The following GEMIN2 variants were observed in gnomAD, a reference collection of about 807,000 sequenced individuals.
GEMIN2 encodes the protein gem-associated protein 2.
GEMIN2 carries 37 observed loss-of-function variants against 45.8 expected under a neutral mutation model. That is an observed-to-expected ratio of 0.81 (90% CI 0.62 to 1.06). The LOEUF (loss-of-function observed/expected upper bound fraction) is 1.06, where lower values mean the gene tolerates loss of function less well. GEMIN2 is among the 50% of genes least tolerant of loss of function. The pLI is 0.00. For missense variants in GEMIN2, 335 were observed against 321.8 expected (o/e 1.04, Z -0.31); for synonymous variants, 101 against 111.5 (o/e 0.91, Z 0.60).
chr14:39,121,484 A>G (rs2052572117), intron 4 of GEMIN2, among the ~76,000 whole-genome samples: 1 of 152,192 alleles, frequency 6.6e-6, no homozygotes, highest in Non-Finnish European at 1.5e-5. Flanking sequence ...ATGAACTGTA[A>G]TCACACCTCT....
In GEMIN2 at chr14:39,136,505, G is replaced by A. The variant is rs1324493706; in HGVS notation, c.*26G>A. 11 of 1,587,072 alleles carry A rather than the reference G, an allele frequency of 6.9e-6. No homozygotes were observed. The highest frequency in any genetic ancestry group is 9.5e-6 in the Non-Finnish European group (11 of 1,157,504). ...TGTAGCTGATCTCTCAGGGATAGAA[G>A]ATATTTCTCATGAAGGCAGCCTAAC... On this transcript the variant is annotated 3_prime_UTR_variant, in exon 10 of 10. Transcript: ENST00000308317.
At chr14:39,128,419 T>TATACAA in intron 7 of GEMIN2, 71 bp downstream of exon 7, 1 of 747,926 alleles carries the variant, frequency 1.3e-6, no homozygotes, top group East Asian at 2.5e-5. Context: ...GTGGGCCACA[T>TATACAA]ATACAATGGT....
At chr14:39,125,892 C>T (rs2052633837) in intron 6 of GEMIN2, among the ~76,000 whole-genome samples, 1 of 151,766 alleles carries the variant, frequency 6.6e-6, no homozygotes, top group Non-Finnish European at 1.5e-5. Context: ...TGGAGGTGTG[C>T]ACTTGTAATC....
Position 39,114,486 on chromosome 14 carries a change from C to G in GEMIN2, c.137+11C>G. ...CCTGAGGCGGGTCCAGTGAGTGATT[C>G]GGCCCTGGGCGGGTGGGCTGGTCTT... On this transcript the variant is annotated intron_variant, in intron 1 of 9. Transcript: ENST00000308317. The G allele has an allele frequency of 6.2e-7, 1 of 1,603,798 alleles. No homozygotes were observed. The highest frequency in any genetic ancestry group is 8.5e-7 in the Non-Finnish European group (1 of 1,171,932).
chr14:39,133,088 CAGT>C (rs946030749), intron 8 of GEMIN2, among the ~76,000 whole-genome samples: 3 of 126,470 alleles, frequency 2.4e-5, no homozygotes, highest in Non-Finnish European at 3.6e-5. Context: ...TATATAAGAA[CAGT>C]AAGAATCCTG....
At position 39,118,545 on chromosome 14, in the gene GEMIN2, G is replaced by A. The variant is rs1272009864; in HGVS notation, c.318G>A (p.Val106=). 1.4e-6 allele frequency: 2 copies of A among 1,431,848 alleles called. No individual in the cohort carries two copies. The highest frequency in any genetic ancestry group is 1.1e-5 in the South Asian group (1 of 87,124). 88.7% of individuals were successfully genotyped at this position (1,431,848 alleles called of 1,614,324 possible). A position where few individuals can be genotyped will look rare whatever the true frequency, so the allele number is the denominator to read the frequency against. ...VAQFSTVRQN[V]NKHRSHWKSQ... is the part of the protein sequence containing the mutation. The stretch of plus-strand genomic sequence containing the variant: ...TCTAAGTTTTCTTCCTTTAGAATGT[G>A]AACAAACATAGAAGTCACTGGAAAT... The change falls in exon 4 of 10, where the codon GTG becomes GTA. Residue 106 remains valine, a synonymous_variant. Coordinates refer to ENST00000308317, the MANE Select transcript of GEMIN2 (RefSeq NM_003616.3).
At chr14:39,135,509 C>T (rs1435295188) in intron 9 of GEMIN2, among the ~76,000 whole-genome samples, 2 of 151,912 alleles carry the variant, frequency 1.3e-5, no homozygotes, top group Non-Finnish European at 2.9e-5. Context: ...TCACTTGAAC[C>T]TGGGAGGTGG....
chr14:39,114,395 G>A lies in GEMIN2; in HGVS notation c.57G>A (p.Pro19=), dbSNP rs145062289. 5.3e-5 allele frequency: 85 copies of A among 1,613,900 alleles called. No homozygotes were observed. Among genetic ancestry groups the A allele is most frequent in the Admixed American group, 1.8e-4 (11 of 60,018 alleles). ...AAGAGTTGATGCCTCGGCTATTGCC[G>A]GTAGAGCCTTGCGACTTGACGGAAG... ...AVEELMPRLL[P]VEPCDLTEGF... Residue 19 remains proline, a synonymous_variant, in exon 1 of 10, where the codon CCG becomes CCA. Coordinates refer to ENST00000308317, the MANE Select transcript of GEMIN2 (RefSeq NM_003616.3).
At chr14:39,117,626 T>A (rs529240755) in intron 2 of GEMIN2, among the ~76,000 whole-genome samples, 1 of 152,340 alleles carries the variant, frequency 6.6e-6, no homozygotes, top group African/African-American at 2.4e-5. Context: ...CTTCTAACTG[T>A]ATTTCATACC....
chr14:39,123,757 G>C (rs914312065), intron 5 of GEMIN2, among the ~76,000 whole-genome samples: 1 of 99,754 alleles, frequency 1.0e-5, no homozygotes, highest in African/African-American at 4.3e-5. Flanking sequence ...GTCTTCTTCC[G>C]TCATCCAGGC....
At chr14:39,123,703 TA>T (rs1418465572) in intron 5 of GEMIN2, among the ~76,000 whole-genome samples, 2,144 of 56,154 alleles carry the variant, frequency 0.038, 62 homozygotes, top group Non-Finnish European at 0.067. Context: ...TATATATATA[TA>T]TATATTTTTT....
intron 4 of GEMIN2, among the ~76,000 whole-genome samples, chr14:39,120,810 T>C (rs904068934): frequency 6.6e-6 from 1 of 152,128 alleles, no homozygotes; most frequent in Admixed American, 6.6e-5. Context: ...GTATTTTTAG[T>C]AGAGACGGGG....
chr14:39,116,933 C>T (rs577999695), intron 2 of GEMIN2, among the ~76,000 whole-genome samples: 13 of 152,114 alleles, frequency 8.5e-5, no homozygotes, highest in South Asian at 8.3e-4. Flanking sequence ...TTTTTTGTAG[C>T]GACGGGGTCT....
rs562994066 is a variant in GEMIN2 at position 39,130,726 on chromosome 14, C to T, written c.601-1232C>T. ...CTGGCCAACATGGTGAAACCCCCAT[C>T]TCTACTAAAAATACAAAAATTAGCT... On this transcript the variant is annotated intron_variant, in intron 7 of 9. Transcript: ENST00000308317. Among the ~76,000 whole-genome samples the T allele has an allele frequency of 4.6e-5, 7 of 150,798 alleles. No individual in the cohort carries two copies. The South Asian group carries it at 1.5e-3, about 32-fold the overall frequency.
chr14:39,133,751 A>G (rs2052750119), intron 9 of GEMIN2, 32 bp downstream of exon 9: 3 of 1,212,902 alleles, frequency 2.5e-6, no homozygotes, highest in Admixed American at 4.6e-5. Context: ...TTTATTATTT[A>G]TCAGTGAGGT....
At chr14:39,122,136 C>A (rs1265161981) in intron 4 of GEMIN2, 15 of 265,972 alleles carry the variant, frequency 5.6e-5, no homozygotes, top group South Asian at 5.0e-4. Context: ...CTTTGTGAAT[C>A]CAAATTTCCT....
At position 39,132,827 on chromosome 14, in the gene GEMIN2, C is replaced by T. The variant is rs550181858; in HGVS notation, c.711+759C>T. Among the ~76,000 whole-genome samples, 56 of 150,544 alleles carry T rather than the reference C, an allele frequency of 3.7e-4. No individual in the cohort carries two copies. The East Asian group carries it at 0.01, about 27-fold the overall frequency. On this transcript the variant is annotated intron_variant, in intron 8 of 9. Coordinates refer to ENST00000308317, the MANE Select transcript of GEMIN2 (RefSeq NM_003616.3). The stretch of plus-strand genomic sequence containing the variant: ...CAGAGTAGCTGAGATTACAGGTGCC[C>T]GCCACCATGCCTGGCTAATTTTTGT...
intron 5 of GEMIN2, 51 bp downstream of exon 5, chr14:39,122,594 C>T (rs745928951): frequency 1.1e-5 from 11 of 963,636 alleles, no homozygotes; most frequent in Non-Finnish European, 1.6e-5. Context: ...TTTTGGTGCA[C>T]CACTTAATAT....
At chr14:39,125,566 A>G (rs527530238) in intron 6 of GEMIN2, among the ~76,000 whole-genome samples, 1 of 152,002 alleles carries the variant, frequency 6.6e-6, no homozygotes, top group South Asian at 2.1e-4. Flanking sequence ...TGGCCTCCCA[A>G]AGTGCTGGAA....
Sources: allele counts gnomAD v4.1 joint callset (sites outside exome capture counted in the v4.1 genomes callset), GRCh38; gene constraint gnomAD v4.1.1; transcripts MANE v1.5; gene names NCBI Gene and HGNC (gene_info 2026-07-23, HGNC 2026-07-21).